CDH12: variants seen among roughly 807,000 people sequenced by gnomAD.
The protein encoded by CDH12 is cadherin 12.
CDH12 carries 41 observed loss-of-function variants against 74.1 expected under a neutral mutation model. The observed-to-expected ratio is 0.55, with a 90% CI of 0.43 to 0.72. The LOEUF (loss-of-function observed/expected upper bound fraction) is 0.72. Among genes scored for constraint, CDH12 ranks in the 30% least tolerant of loss-of-function variants. The pLI, the probability that CDH12 is intolerant of heterozygous loss-of-function variation, is 0.00. For synonymous variants in CDH12, 399 were observed against 355.0 expected (o/e 1.12, Z -1.39); for missense variants, 945 against 977.2 (o/e 0.97, Z 0.44).
chr5:21,831,892 C>A (rs1305934841), intron 8 of CDH12, among the ~76,000 whole-genome samples: 1 of 151,956 alleles, frequency 6.6e-6, no homozygotes, highest in Non-Finnish European at 1.5e-5. Context: ...CTACATAACA[C>A]TACATTATTC....
chr5:22,694,456 A>G (rs1268760909), intron 1 of CDH12, among the ~76,000 whole-genome samples: 1 of 152,130 alleles, frequency 6.6e-6, no homozygotes, highest in African/African-American at 2.4e-5. Flanking sequence ...TTTCTCTTCA[A>G]TTGCTCTCAA....
intron 1 of CDH12, among the ~76,000 whole-genome samples, chr5:22,526,636 ATT>A (rs1329409730): frequency 6.6e-6 from 1 of 152,158 alleles, no homozygotes; most frequent in East Asian, 1.9e-4. Context: ...CTCCACTGTC[ATT>A]TTCCAAGATC....
At chr5:22,227,636 A>C (rs961138885) in intron 3 of CDH12, among the ~76,000 whole-genome samples, 1 of 152,126 alleles carries the variant, frequency 6.6e-6, no homozygotes, top group Admixed American at 6.6e-5. Context: ...CCTTCTCTAC[A>C]ATTATTTATA....
intron 4 of CDH12, among the ~76,000 whole-genome samples, chr5:22,147,589 T>TA (rs147619864): frequency 0.19 from 26,991 of 142,596 alleles, 3,068 homozygotes; most frequent in Non-Finnish European, 0.25. Flanking sequence ...TAGTTTATCT[T>TA]AAAAAAAAAA....
intron 3 of CDH12, among the ~76,000 whole-genome samples, chr5:22,306,631 T>G (rs532029274): frequency 6.6e-6 from 1 of 152,264 alleles, no homozygotes; most frequent in African/African-American, 2.4e-5. Flanking sequence ...TAGCACACAC[T>G]TTGTGCTCAA....
chr5:22,335,493 G>A lies in CDH12; in HGVS notation c.-333+69764C>T, dbSNP rs377339788. Among the ~76,000 whole-genome samples, 139 of 152,170 alleles carry A rather than the reference G, an allele frequency of 9.1e-4. 1 individual carries two copies. The highest frequency in any genetic ancestry group is 3.2e-3 in the African/African-American group (131 of 41,520). On this transcript the variant is annotated intron_variant, in intron 3 of 14. Coordinates refer to ENST00000382254, the MANE Select transcript of CDH12 (RefSeq NM_004061.5). ...CCAGCTACTCAGGAGACTGAGGCAG[G>A]AGAATGGCGTGAACCTGGGAGGCAG...
At chr5:21,776,226 C>G (rs1028842151) in intron 11 of CDH12, among the ~76,000 whole-genome samples, 3 of 152,130 alleles carry the variant, frequency 2.0e-5, no homozygotes, top group African/African-American at 7.2e-5. Context: ...GTTGCTCGTC[C>G]AACAGCCTAC....
intron 4 of CDH12, among the ~76,000 whole-genome samples, chr5:22,182,071 T>A (rs2150338434): frequency 6.6e-6 from 1 of 152,212 alleles, no homozygotes; most frequent in Non-Finnish European, 1.5e-5. Context: ...TATAATTAGT[T>A]TTCTTTGAAT....
chr5:22,622,514 C>A (rs1395080691), intron 1 of CDH12, among the ~76,000 whole-genome samples: 2 of 152,164 alleles, frequency 1.3e-5, no homozygotes, highest in African/African-American at 4.8e-5. Flanking sequence ...CACAGAAATA[C>A]AAACTACCAT....
At chr5:22,164,523 A>T (rs1236693819) in intron 4 of CDH12, among the ~76,000 whole-genome samples, 1 of 152,198 alleles carries the variant, frequency 6.6e-6, no homozygotes, top group African/African-American at 2.4e-5. Context: ...GTGAAAGCTC[A>T]GCTCAAGCCG....
intron 3 of CDH12, among the ~76,000 whole-genome samples, chr5:22,377,961 T>A (rs986948293): frequency 3.3e-5 from 5 of 152,344 alleles, no homozygotes; most frequent in Admixed American, 2.6e-4. Context: ...AAAGCTAATA[T>A]TATTTCACTC....
intron 1 of CDH12, among the ~76,000 whole-genome samples, chr5:22,689,569 G>A (rs573400542): frequency 1.3e-5 from 2 of 151,690 alleles, no homozygotes; most frequent in East Asian, 3.9e-4. Flanking sequence ...ATATTTTTTT[G>A]TTTCAAAAGT....
At chr5:22,717,949 T>G (rs1743667637) in intron 1 of CDH12, among the ~76,000 whole-genome samples, 1 of 149,522 alleles carries the variant, frequency 6.7e-6, no homozygotes, top group African/African-American at 2.6e-5. Context: ...TAGAATTCTG[T>G]TTTAATTGAG....
In CDH12 at chr5:21,817,120, A is replaced by G. The variant is rs941527022; in HGVS notation, c.827T>C (p.Leu276Ser). The G allele has an allele frequency of 5.6e-6, 9 of 1,608,322 alleles. No individual in the cohort carries two copies. The Admixed American group carries it at 1.3e-4, about 24-fold the overall frequency. The change falls in exon 9 of 15, where the codon TTG becomes TCG. Residue 276 changes from leucine (L) to serine (S), a missense_variant. Leu to Ser is a moderately radical substitution (Grantham distance 145). This residue lies in a region of CDH12 where 791 missense variants were observed against 792.8 expected (regional missense o/e 1.00). Transcript: ENST00000382254. ...AATAGGGGAAGACTCAGGAACTTTC[A>G]AGTGGAAGATGCCTGATAAGACATA... The part of the protein sequence containing the change: ...PPRFPKSIFH[L>S]KVPESSPIGS...
intron 6 of CDH12, among the ~76,000 whole-genome samples, chr5:21,897,617 A>G (rs1160999399): frequency 6.6e-6 from 1 of 152,220 alleles, no homozygotes; most frequent in Middle Eastern, 3.2e-3. Context: ...GAATCCTAGA[A>G]ACATGAACAT....
chr5:22,124,858 C>T (rs2150279943), intron 4 of CDH12, among the ~76,000 whole-genome samples: 1 of 152,298 alleles, frequency 6.6e-6, no homozygotes, highest in African/African-American at 2.4e-5. Context: ...AGCTCTTCAG[C>T]TAAGGTTACT....
At chr5:22,234,827 A>C (rs1752507932) in intron 3 of CDH12, among the ~76,000 whole-genome samples, 1 of 152,164 alleles carries the variant, frequency 6.6e-6, no homozygotes, top group African/African-American at 2.4e-5. Context: ...TCAATATAAA[A>C]CAGAAAATCA....
intron 1 of CDH12, among the ~76,000 whole-genome samples, chr5:22,649,823 C>T (rs1169317739): frequency 1.3e-5 from 2 of 151,840 alleles, no homozygotes; most frequent in Non-Finnish European, 1.5e-5. Context: ...TATTAGAGAA[C>T]CTCAATTCTA....
At chr5:22,687,219 G>T (rs1279630898) in intron 1 of CDH12, among the ~76,000 whole-genome samples, 1 of 152,008 alleles carries the variant, frequency 6.6e-6, no homozygotes, top group Non-Finnish European at 1.5e-5. Context: ...GTTTGAACCA[G>T]GGAGTCGGAG....
Sources: gnomAD v4.1 joint callset for allele counts (sites outside exome capture counted in the v4.1 genomes callset) on GRCh38, gnomAD v4.1.1 for gene constraint, gnomAD v4.1.1 regional missense constraint, MANE v1.5 for transcripts, NCBI Gene and HGNC (gene_info 2026-07-23, HGNC 2026-07-21) for gene names.